Variants in BBS9 observed in about 807,000 individuals in gnomAD.
BBS9 encodes Bardet-Biedl syndrome 9.
Under a neutral mutation model 117.7 loss-of-function variants are expected in BBS9, and 89 were observed. The ratio of observed to expected loss-of-function variants is 0.76; its 90% CI spans 0.64 to 0.90. The LOEUF (loss-of-function observed/expected upper bound fraction) is 0.90. BBS9 is among the 40% of genes least tolerant of loss of function. The pLI is 0.00. For synonymous variants in BBS9, 379 were observed against 370.9 expected (o/e 1.02, Z -0.25); for missense variants, 982 against 1,042.2 (o/e 0.94, Z 0.80).
At chr7:33,404,485 G>A (rs1474808380) in intron 19 of BBS9, among the ~76,000 whole-genome samples, 1 of 152,076 alleles carries the variant, frequency 6.6e-6, no homozygotes, top group Non-Finnish European at 1.5e-5. Context: ...AGCATGGAAT[G>A]TTCTTCCATT....
chr7:33,509,814 C>G (rs752163452), intron 20 of BBS9, among the ~76,000 whole-genome samples: 8 of 152,128 alleles, frequency 5.3e-5, no homozygotes, highest in Non-Finnish European at 1.2e-4. Flanking sequence ...TTAGAATGTG[C>G]TATTGCTGAT....
At chr7:33,205,926 C>G (rs764507847) in intron 5 of BBS9, among the ~76,000 whole-genome samples, 1 of 152,152 alleles carries the variant, frequency 6.6e-6, no homozygotes, top group Non-Finnish European at 1.5e-5. Flanking sequence ...ATAGCCCACT[C>G]AGCCATCTTT....
chr7:33,202,382 A>G (rs926727659), intron 5 of BBS9, among the ~76,000 whole-genome samples: 2 of 152,190 alleles, frequency 1.3e-5, no homozygotes, highest in Non-Finnish European at 2.9e-5. Context: ...CCAATTTTCT[A>G]TCTCCAGTTA....
At chr7:33,484,923 T>C (rs1395131570) in intron 19 of BBS9, among the ~76,000 whole-genome samples, 1 of 152,130 alleles carries the variant, frequency 6.6e-6, no homozygotes, top group East Asian at 1.9e-4. Context: ...CATGGATAAA[T>C]AAAATGTTGT....
intron 21 of BBS9, 43 bp from the exon 22 acceptor site, chr7:33,604,822 T>G (rs1246226064): frequency 2.8e-6 from 4 of 1,408,426 alleles, no homozygotes; most frequent in Non-Finnish European, 4.0e-6. Context: ...GAGGCAGATT[T>G]TCTTACACAT....
intron 15 of BBS9, among the ~76,000 whole-genome samples, chr7:33,356,575 GAA>G (rs1474929998): frequency 6.6e-6 from 1 of 151,736 alleles, no homozygotes; most frequent in East Asian, 1.9e-4. Context: ...ATATTGAAGA[GAA>G]TGACAAATAT....
At chr7:33,518,443 G>T (rs1409456499) in intron 20 of BBS9, among the ~76,000 whole-genome samples, 4 of 151,630 alleles carry the variant, frequency 2.6e-5, no homozygotes, top group African/African-American at 9.7e-5. Flanking sequence ...TAGAGACGGG[G>T]TTTCATCATG....
At chr7:33,167,645 C>G (rs898862137) in intron 4 of BBS9, among the ~76,000 whole-genome samples, 1 of 152,056 alleles carries the variant, frequency 6.6e-6, no homozygotes, top group Non-Finnish European at 1.5e-5. Flanking sequence ...GTGATCCACC[C>G]TCCTCAGCCT....
chr7:33,462,592 A>G (rs1839624973), intron 19 of BBS9, among the ~76,000 whole-genome samples: 2 of 152,124 alleles, frequency 1.3e-5, no homozygotes, highest in African/African-American at 4.8e-5. Flanking sequence ...TAATGTATGT[A>G]GTTCACATTA....
chr7:33,305,441 G>A (rs889041364), intron 9 of BBS9, among the ~76,000 whole-genome samples: 2 of 152,156 alleles, frequency 1.3e-5, no homozygotes, highest in Non-Finnish European at 2.9e-5. Flanking sequence ...GAGTTAGGAA[G>A]TATTCCTTCC....
chr7:33,305,667 T>G (rs1216587028), intron 9 of BBS9, among the ~76,000 whole-genome samples: 2 of 152,194 alleles, frequency 1.3e-5, no homozygotes, highest in Admixed American at 1.3e-4. Flanking sequence ...TTCATTCATT[T>G]CTTCTAGATT....
intron 11 of BBS9, among the ~76,000 whole-genome samples, chr7:33,342,185 T>TTA (rs1187045669): frequency 7.9e-5 from 12 of 152,060 alleles, no homozygotes; most frequent in Non-Finnish European, 1.3e-4. Context: ...CATTACTATA[T>TTA]TATAGTAAAT....
chr7:33,521,482 A>G (rs1354963161), intron 20 of BBS9, among the ~76,000 whole-genome samples: 2 of 152,210 alleles, frequency 1.3e-5, no homozygotes, highest in Admixed American at 1.3e-4. Context: ...TGACAAAGAT[A>G]CGGAGAACTC....
chr7:33,171,582 C>CT (rs1331430812), intron 4 of BBS9, among the ~76,000 whole-genome samples: 1 of 152,002 alleles, frequency 6.6e-6, no homozygotes, highest in Non-Finnish European at 1.5e-5. Context: ...GTGATAAAAA[C>CT]TATTTTTTTA....
chr7:33,274,418 T>G (rs1156252493), intron 9 of BBS9, among the ~76,000 whole-genome samples: 1 of 152,188 alleles, frequency 6.6e-6, no homozygotes, highest in Non-Finnish European at 1.5e-5. Context: ...CAGTTTAGAT[T>G]TTAAGTGGGG....
chr7:33,489,099 T>G (rs1345044094), intron 19 of BBS9, among the ~76,000 whole-genome samples: 1 of 151,124 alleles, frequency 6.6e-6, no homozygotes, highest in African/African-American at 2.4e-5. Flanking sequence ...TTCAAGCAAT[T>G]CTCCTGCCTC....
At chr7:33,549,523 A>G (rs1854003570) in intron 21 of BBS9, among the ~76,000 whole-genome samples, 1 of 150,914 alleles carries the variant, frequency 6.6e-6, no homozygotes, top group African/African-American at 2.4e-5. Context: ...TTCGCAAGCT[A>G]CTCATCTGAC....
intron 21 of BBS9, among the ~76,000 whole-genome samples, chr7:33,549,518 A>G (rs1371258092): frequency 1.3e-5 from 2 of 150,762 alleles, no homozygotes; most frequent in African/African-American, 4.9e-5. Context: ...AAATTTTCGC[A>G]AGCTACTCAT....
At chr7:33,210,931 T>G (rs769890797) in intron 5 of BBS9, among the ~76,000 whole-genome samples, 23 of 152,234 alleles carry the variant, frequency 1.5e-4, no homozygotes, top group Admixed American at 4.6e-4. Context: ...TGACCTTCTT[T>G]GTCTCTTATT....
Sources: gnomAD v4.1 joint callset for allele counts (sites outside exome capture counted in the v4.1 genomes callset) on GRCh38, gnomAD v4.1.1 for gene constraint, MANE v1.5 for transcripts, NCBI Gene and HGNC (gene_info 2026-07-23, HGNC 2026-07-21) for gene names.